Variants in SCD5 observed in about 807,000 individuals in gnomAD.
SCD5 encodes the protein stearoyl-CoA desaturase 5.
In SCD5, 20 loss-of-function variants were observed where a neutral mutation model predicts 30.4. That is an observed-to-expected ratio of 0.66 (90% CI 0.46 to 0.96). SCD5 has a LOEUF of 0.96. Ranked by LOEUF, SCD5 falls within the 40% of genes least tolerant of loss-of-function variation. The pLI is 0.00. For missense variants in SCD5, 381 were observed against 443.3 expected, an observed-to-expected ratio of 0.86 and a Z score of 1.26; for synonymous variants, 173 against 176.4, an observed-to-expected ratio of 0.98 and a Z score of 0.16.
At chr4:82,689,350 AAC>A (rs1728780811) in intron 2 of SCD5, among the ~76,000 whole-genome samples, 1 of 151,832 alleles carries the variant, frequency 6.6e-6, no homozygotes, top group Non-Finnish European at 1.5e-5. Context: ...CAGCCTGGGC[AAC>A]ACAGCAAGAC....
intron 1 of SCD5, among the ~76,000 whole-genome samples, chr4:82,763,971 CTTT>C (rs775611747): frequency 6.6e-6 from 1 of 152,198 alleles, no homozygotes; most frequent in Admixed American, 6.5e-5. Context: ...CTCCAGCCTT[CTTT>C]GATTGATGTT....
At chr4:82,713,841 G>C (rs546159227) in intron 1 of SCD5, among the ~76,000 whole-genome samples, 2 of 152,062 alleles carry the variant, frequency 1.3e-5, no homozygotes, top group Non-Finnish European at 2.9e-5. Context: ...TACCTGCTCC[G>C]ATCACCTCAC....
At chr4:82,723,205 G>C (rs940185527) in intron 1 of SCD5, among the ~76,000 whole-genome samples, 2 of 152,038 alleles carry the variant, frequency 1.3e-5, no homozygotes, top group African/African-American at 4.8e-5. Context: ...TATTGGTCCT[G>C]GCAATTTTTG....
At chr4:82,731,146 G>A (rs537275465) in intron 1 of SCD5, among the ~76,000 whole-genome samples, 13 of 152,270 alleles carry the variant, frequency 8.5e-5, no homozygotes, top group South Asian at 2.1e-4. Context: ...TCTTGAGAAC[G>A]GAAAGCTGGG....
intron 2 of SCD5, among the ~76,000 whole-genome samples, chr4:82,702,130 C>CTTTTTTTTTTTTTTTTTTTTTTT (rs10701664): frequency 3.1e-5 from 2 of 64,116 alleles, no homozygotes; most frequent in Non-Finnish European, 5.5e-5. Flanking sequence ...CCATCATCAT[C>CTTTTTTTTTTTTTTTTTTTTTTT]TTTTTTTTTT....
At chr4:82,780,175 C>T (rs1312081297) in intron 1 of SCD5, among the ~76,000 whole-genome samples, 1 of 152,240 alleles carries the variant, frequency 6.6e-6, no homozygotes, top group Non-Finnish European at 1.5e-5. Flanking sequence ...CTAGCATGTG[C>T]TGTTACAGCT....
chr4:82,767,487 T>C lies in SCD5; in HGVS notation c.232+30819A>G, dbSNP rs895129703. ...GTAGGCTCACCTTGTTTGCATCTCC[T>C]TTCTTGGAGATCTCCGTCCTGTTCT... is the stretch of plus-strand genomic sequence containing the variant. On this transcript the variant is annotated intron_variant, in intron 1 of 4. Coordinates refer to ENST00000319540, the MANE Select transcript of SCD5 (RefSeq NM_001037582.3). Among the ~76,000 whole-genome samples the C allele has an allele frequency of 4.6e-5, 7 of 152,138 alleles. 1 individual carries two copies. Among genetic ancestry groups the C allele is most frequent in the Admixed American group, 3.3e-4 (5 of 15,278 alleles).
intron 1 of SCD5, among the ~76,000 whole-genome samples, chr4:82,742,399 G>A (rs1387288304): frequency 6.6e-6 from 1 of 152,214 alleles, no homozygotes; most frequent in Non-Finnish European, 1.5e-5. Context: ...CTACTGGAGA[G>A]GCAGAGAGAC....
At chr4:82,771,485 T>C (rs1017212058) in intron 1 of SCD5, among the ~76,000 whole-genome samples, 6 of 152,252 alleles carry the variant, frequency 3.9e-5, no homozygotes, top group Admixed American at 3.9e-4. Context: ...ACGCTATGCC[T>C]ATGTTATCTT....
At chr4:82,666,993 A>C (rs1030588609) in intron 3 of SCD5, among the ~76,000 whole-genome samples, 5 of 152,228 alleles carry the variant, frequency 3.3e-5, no homozygotes, top group Non-Finnish European at 7.3e-5. Flanking sequence ...TATTTTAAAA[A>C]AATAATAGCT....
intron 3 of SCD5, among the ~76,000 whole-genome samples, chr4:82,679,885 C>T (rs771322759): frequency 6.6e-6 from 1 of 152,230 alleles, no homozygotes; most frequent in Non-Finnish European, 1.5e-5. Flanking sequence ...ATGACTCCTA[C>T]CCATCAGTGG....
At chr4:82,792,018 G>T (rs113727160) in intron 1 of SCD5, among the ~76,000 whole-genome samples, 7,313 of 152,230 alleles carry the variant, frequency 0.048, 235 homozygotes, top group African/African-American at 0.093. Context: ...AGCACTTTGG[G>T]AGGCCGAGGA....
intron 1 of SCD5, among the ~76,000 whole-genome samples, chr4:82,735,236 C>T (rs1225698617): frequency 1.3e-5 from 2 of 152,178 alleles, no homozygotes. Flanking sequence ...TGGGTTTTCT[C>T]TGGGTACTCT....
At chr4:82,661,854 C>T (rs950408743) in intron 3 of SCD5, among the ~76,000 whole-genome samples, 1 of 152,176 alleles carries the variant, frequency 6.6e-6, no homozygotes, top group African/African-American at 2.4e-5. Context: ...ACGCAACACA[C>T]CCCATCTGTT....
At chr4:82,756,379 G>C (rs1560554602) in intron 1 of SCD5, among the ~76,000 whole-genome samples, 1 of 152,164 alleles carries the variant, frequency 6.6e-6, no homozygotes, top group Non-Finnish European at 1.5e-5. Flanking sequence ...TGCTAGCCAT[G>C]TGCCATTCAG....
At chr4:82,680,567 G>C in intron 3 of SCD5, 140 bp downstream of exon 3, 2 of 728,428 alleles carry the variant, frequency 2.7e-6, no homozygotes, top group Non-Finnish European at 4.4e-6. Flanking sequence ...TTAATAAATA[G>C]AGATAAATCT....
chr4:82,748,340 G>A (rs76010633), intron 1 of SCD5, among the ~76,000 whole-genome samples: 1 of 152,002 alleles, frequency 6.6e-6, no homozygotes, highest in East Asian at 1.9e-4. Context: ...ACGGGGGAGA[G>A]GAGGGGGAGG....
chr4:82,639,680 G>A (rs533455734), intron 3 of SCD5, among the ~76,000 whole-genome samples: 1 of 152,342 alleles, frequency 6.6e-6, no homozygotes, highest in East Asian at 1.9e-4. Flanking sequence ...ATGTGAGGAG[G>A]AAAGGACTAT....
At chr4:82,701,803 C>T (rs1198842811) in intron 2 of SCD5, among the ~76,000 whole-genome samples, 2 of 152,094 alleles carry the variant, frequency 1.3e-5, no homozygotes, top group South Asian at 2.1e-4. Flanking sequence ...CTAGTAGGTG[C>T]TTTTGGTTGG....
Sources: allele counts gnomAD v4.1 joint callset (sites outside exome capture counted in the v4.1 genomes callset), GRCh38; gene constraint gnomAD v4.1.1; transcripts MANE v1.5; gene names NCBI Gene and HGNC (gene_info 2026-07-23, HGNC 2026-07-21).